Variants in SPIDR observed in about 807,000 individuals in gnomAD.
SPIDR encodes the protein DNA repair-scaffolding protein.
A neutral mutation model predicts 104.6 loss-of-function variants in SPIDR; 93 were observed. The observed-to-expected ratio is 0.89, with a 90% CI of 0.75 to 1.06. SPIDR has a LOEUF of 1.06. Among genes scored for constraint, SPIDR ranks in the 50% least tolerant of loss-of-function variants. SPIDR has a pLI of 0.00. For synonymous variants in SPIDR, 431 were observed against 416.9 expected, an observed-to-expected ratio of 1.03 and a Z score of -0.41; for missense variants, 1,154 against 1,111.2, an observed-to-expected ratio of 1.04 and a Z score of -0.55.
At chr8:47,542,074 A>G (rs987824170) in intron 8 of SPIDR, among the ~76,000 whole-genome samples, 3 of 152,158 alleles carry the variant, frequency 2.0e-5, no homozygotes, top group Admixed American at 6.5e-5. Context: ...GTCTCTCCTG[A>G]TCAAATGAAG....
intron 5 of SPIDR, among the ~76,000 whole-genome samples, chr8:47,300,732 T>G (rs2041926277): frequency 6.6e-6 from 1 of 152,232 alleles, no homozygotes; most frequent in Non-Finnish European, 1.5e-5. Flanking sequence ...GAGCAGATTG[T>G]CCAGTTTCCA....
At chr8:47,584,116 C>A (rs2154414741) in intron 8 of SPIDR, among the ~76,000 whole-genome samples, 1 of 152,238 alleles carries the variant, frequency 6.6e-6, no homozygotes, top group African/African-American at 2.4e-5. Context: ...ACTTGATTTC[C>A]CAGATCATAT....
chr8:47,346,415 G>C (rs1429760522), intron 5 of SPIDR, among the ~76,000 whole-genome samples: 1 of 152,080 alleles, frequency 6.6e-6, no homozygotes, highest in Non-Finnish European at 1.5e-5. Context: ...TCAGGATGTT[G>C]GTCTAAAACT....
chr8:47,425,327 C>G (rs1554683939), intron 7 of SPIDR, among the ~76,000 whole-genome samples: 1 of 152,082 alleles, frequency 6.6e-6, no homozygotes. Context: ...TCTAAAGATA[C>G]ACTGTGAATA....
intron 8 of SPIDR, among the ~76,000 whole-genome samples, chr8:47,513,562 C>T (rs1383106566): frequency 6.6e-6 from 1 of 152,156 alleles, no homozygotes; most frequent in Admixed American, 6.5e-5. Context: ...TCCTGTTATA[C>T]ATTGAAATGG....
intron 7 of SPIDR, among the ~76,000 whole-genome samples, chr8:47,439,600 G>T (rs1324088729): frequency 6.6e-6 from 1 of 152,072 alleles, no homozygotes; most frequent in Non-Finnish European, 1.5e-5. Flanking sequence ...ACAGTTTCTG[G>T]GTACCTACCT....
intron 8 of SPIDR, among the ~76,000 whole-genome samples, chr8:47,530,919 CT>C (rs761582680): frequency 3.8e-4 from 56 of 145,956 alleles, no homozygotes; most frequent in African/African-American, 3.5e-4. Flanking sequence ...TTTTTTATAA[CT>C]TTTTTTTTTT....
At chr8:47,264,309 A>G (rs1308035521) in intron 1 of SPIDR, among the ~76,000 whole-genome samples, 1 of 152,212 alleles carries the variant, frequency 6.6e-6, no homozygotes, top group Non-Finnish European at 1.5e-5. Flanking sequence ...TGATTCAGAA[A>G]GTCGAACCTA....
chr8:47,550,895 G>C (rs1399371982), intron 8 of SPIDR, among the ~76,000 whole-genome samples: 1 of 152,154 alleles, frequency 6.6e-6, no homozygotes, highest in East Asian at 1.9e-4. Context: ...GTATGATATT[G>C]GCTGTGGGTT....
At chr8:47,439,181 A>G (rs1450854254) in intron 7 of SPIDR, among the ~76,000 whole-genome samples, 2 of 152,202 alleles carry the variant, frequency 1.3e-5, no homozygotes, top group African/African-American at 4.8e-5. Context: ...GTTTTATAAT[A>G]GAAACAATAT....
chr8:47,697,228 T>TC (rs920732188), intron 11 of SPIDR, among the ~76,000 whole-genome samples: 3 of 151,074 alleles, frequency 2.0e-5, no homozygotes, highest in African/African-American at 7.3e-5. Context: ...AGGGTTGGCC[T>TC]CAGTGAGCCA....
chr8:47,541,989 A>G (rs956890663), intron 8 of SPIDR, among the ~76,000 whole-genome samples: 2 of 152,130 alleles, frequency 1.3e-5, no homozygotes, highest in African/African-American at 4.8e-5. Context: ...ACATACTTCT[A>G]TCTGATCTTT....
intron 1 of SPIDR, among the ~76,000 whole-genome samples, chr8:47,276,681 G>C (rs947586092): frequency 2.0e-5 from 3 of 152,180 alleles, no homozygotes; most frequent in East Asian, 1.9e-4. Flanking sequence ...ACTCTATAAG[G>C]CTGCTGGAGA....
At chr8:47,378,834 C>T (rs1339992399) in intron 5 of SPIDR, among the ~76,000 whole-genome samples, 16 of 152,116 alleles carry the variant, frequency 1.1e-4, no homozygotes, top group African/African-American at 3.1e-4. Context: ...TGAAGGGGGC[C>T]CTGGGACTCT....
At chr8:47,534,128 G>A (rs778022728) in intron 8 of SPIDR, among the ~76,000 whole-genome samples, 12 of 152,196 alleles carry the variant, frequency 7.9e-5, no homozygotes, top group Non-Finnish European at 1.6e-4. Flanking sequence ...CTCTCCTGCT[G>A]CCCTGTGAAG....
At chr8:47,509,958 A>G (rs2082065211) in intron 8 of SPIDR, among the ~76,000 whole-genome samples, 1 of 152,112 alleles carries the variant, frequency 6.6e-6, no homozygotes, top group African/African-American at 2.4e-5. Context: ...ACACATCTGT[A>G]CACCACACAC....
intron 8 of SPIDR, among the ~76,000 whole-genome samples, chr8:47,562,814 C>A (rs2057244165): frequency 1.3e-5 from 2 of 152,108 alleles, no homozygotes; most frequent in Admixed American, 6.5e-5. Flanking sequence ...GCCACTGTCC[C>A]ACCCTTCATC....
intron 7 of SPIDR, among the ~76,000 whole-genome samples, chr8:47,421,388 C>T (rs782058626): frequency 1.3e-5 from 2 of 152,198 alleles, no homozygotes; most frequent in Non-Finnish European, 2.9e-5. Flanking sequence ...ACCCTTTCTT[C>T]CAGTTGATTG....
chr8:47,713,455 A>G (rs780836061), intron 15 of SPIDR, 34 bp from the exon 16 acceptor site: 2 of 1,612,286 alleles, frequency 1.2e-6, no homozygotes, highest in East Asian at 2.2e-5. Flanking sequence ...TTTTTCTTCA[A>G]GGCTTCAATA....
Sources: gnomAD v4.1 joint callset for allele counts (sites outside exome capture counted in the v4.1 genomes callset) on GRCh38, gnomAD v4.1.1 for gene constraint, MANE v1.5 for transcripts, NCBI Gene and HGNC (gene_info 2026-07-23, HGNC 2026-07-21) for gene names.